Variants in KIF1B observed in about 807,000 individuals in gnomAD.
The protein encoded by KIF1B is kinesin family member 1B.
KIF1B carries 76 observed loss-of-function variants against 241.9 expected under a neutral mutation model. That is an observed-to-expected ratio of 0.31 (90% CI 0.26 to 0.38). The LOEUF is 0.38. Ranked by LOEUF, KIF1B falls within the 10% of genes least tolerant of loss-of-function variation. The pLI is 1.00. For missense variants in KIF1B, 1,622 were observed against 2,271.4 expected (o/e 0.71, Z 5.81); for synonymous variants, 750 against 796.7 (o/e 0.94, Z 0.99).
chr1:10,261,890 A>C lies in KIF1B; in HGVS notation c.364-15A>C, dbSNP rs771929965. On this transcript the variant is annotated splice_polypyrimidine_tract_variant and intron_variant, in intron 4 of 48. Transcript: ENST00000676179. ...CATTTGTGCTCTTCATGCCTCTCTC[A>C]TTCTACTTCCCTAGTTATGTGAAGA... 1.3e-6 allele frequency: 2 copies of C among 1,579,454 alleles called. No individual in the cohort carries two copies. The highest frequency in any genetic ancestry group is 1.7e-5 in the Admixed American group (1 of 59,954).
chr1:10,372,660 AGAG>A (rs1174507157), intron 45 of KIF1B, among the ~76,000 whole-genome samples: 32 of 117,558 alleles, frequency 2.7e-4, no homozygotes, highest in African/African-American at 1.1e-3. Flanking sequence ...CTTGGGTGAC[AGAG>A]CTGTCACCCA....
intron 2 of KIF1B, among the ~76,000 whole-genome samples, chr1:10,239,858 T>C (rs1647110550): frequency 6.6e-6 from 1 of 151,676 alleles, no homozygotes; most frequent in Non-Finnish European, 1.5e-5. Context: ...CTCTGCCTCC[T>C]GGGTTCATGC....
rs556340118 is a variant in KIF1B, at chr1:10,285,973, G to A, written c.1434+3440G>A. On this transcript the variant is annotated intron_variant, in intron 15 of 48. Transcript: ENST00000676179. Reference sequence around the variant, plus strand: ...ATTGGATACTGTTTTTACACATGATGTTGCTGTGGCTTTGTTCACTGAATA... The same window carrying A: ...ATTGGATACTGTTTTTACACATGATATTGCTGTGGCTTTGTTCACTGAATA... 7.7e-4 allele frequency among the ~76,000 whole-genome samples: 117 copies of A among 151,888 alleles called. 1 individual carries two copies. In the South Asian group the frequency reaches 0.023, roughly 29 times the overall value.
Position 10,275,273 on chromosome 1 carries a change from G to A in KIF1B, c.883-155G>A, listed in dbSNP as rs1649038915. Among the ~76,000 whole-genome samples, 2 of 152,156 alleles carry A rather than the reference G, an allele frequency of 1.3e-5. 1 individual carries two copies. The highest frequency in any genetic ancestry group is 4.1e-4 in the South Asian group (2 of 4,820). On this transcript the variant is annotated intron_variant, in intron 10 of 48. Coordinates refer to ENST00000676179, the MANE Select transcript of KIF1B (RefSeq NM_001365951.3). ...AATTACCTTGTTGCGTGAGTTTTTG[G>A]TTTTGTGAAGAATTGAAACTATGAA...
chr1:10,344,367 A>G (rs958855956), intron 34 of KIF1B, among the ~76,000 whole-genome samples: 2 of 152,224 alleles, frequency 1.3e-5, no homozygotes, highest in Non-Finnish European at 2.9e-5. Context: ...CTCTCTGCAT[A>G]TGAAACACTG....
chr1:10,378,524 T>C lies in KIF1B; in HGVS notation c.*1937T>C, dbSNP rs138303899. ...TGCTCAGACCTCTCTGTTTCACCAT[T>C]GCTCAGGCATTCAGGAAAGTATCTG... On this transcript the variant is annotated 3_prime_UTR_variant, in exon 49 of 49. Coordinates refer to ENST00000676179, the MANE Select transcript of KIF1B (RefSeq NM_001365951.3). 112 of 696,710 alleles carry C rather than the reference T, an allele frequency of 1.6e-4. No individual in the cohort carries two copies. In the East Asian group the frequency reaches 2.9e-3, roughly 18 times the overall value. 43.2% of individuals were successfully genotyped at this position (696,710 alleles called of 1,614,324 possible). A position where few individuals can be genotyped will look rare whatever the true frequency, so the allele number is the denominator to read the frequency against.
chr1:10,295,255 G>A (rs764117057), intron 18 of KIF1B, 90 bp downstream of exon 18: 19 of 825,296 alleles, frequency 2.3e-5, no homozygotes, highest in Admixed American at 5.5e-5. Context: ...AAAAATTAAC[G>A]TAATGATTTG....
chr1:10,243,111 T>A (rs1647161265), intron 2 of KIF1B, among the ~76,000 whole-genome samples: 1 of 152,112 alleles, frequency 6.6e-6, no homozygotes, highest in African/African-American at 2.4e-5. Flanking sequence ...GGAGGCAAAA[T>A]GGGAGATTTT....
rs1273212568 is a variant in KIF1B at position 10,327,850 on chromosome 1, G to A, written c.2924+1491G>A. On this transcript the variant is annotated intron_variant, in intron 27 of 48. Transcript: ENST00000676179. ...AATTATGTCAGTGTTAAATGGATGA[G>A]TACCAGTTATCTAAAAATTAAAGGA... 2.0e-5 allele frequency among the ~76,000 whole-genome samples: 3 copies of A among 152,146 alleles called. No individual in the cohort carries two copies. In the East Asian group the frequency reaches 5.8e-4, roughly 29 times the overall value.
chr1:10,278,053 G>C lies in KIF1B; in HGVS notation c.1105G>C (p.Val369Leu). 1 of 1,614,072 alleles carries C rather than the reference G, an allele frequency of 6.2e-7. No individual in the cohort carries two copies. The highest frequency in any genetic ancestry group is 8.5e-7 in the Non-Finnish European group (1 of 1,179,978). ...VINEDPNAKL[V>L]RELKEEVTRL... Reference sequence around the variant, plus strand: ...CAATGAGGACCCCAATGCCAAACTGGTTCGTGAATTAAAGGAGGAGGTGAC... The same window carrying C: ...CAATGAGGACCCCAATGCCAAACTGCTTCGTGAATTAAAGGAGGAGGTGAC... The change falls in exon 13 of 49, where the codon GTT (valine) becomes CTT (leucine). Residue 369 changes from valine (V) to leucine (L), a missense_variant. Val to Leu is a conservative substitution (Grantham distance 32, BLOSUM62 1). Coordinates refer to ENST00000676179, the MANE Select transcript of KIF1B (RefSeq NM_001365951.3).
intron 5 of KIF1B, among the ~76,000 whole-genome samples, 190 bp downstream of exon 5, chr1:10,262,160 G>C (rs745610302): frequency 6.6e-6 from 1 of 151,808 alleles, no homozygotes; most frequent in Non-Finnish European, 1.5e-5. Context: ...TGGGGGGTGC[G>C]CGGTGGGGAC....
At position 10,378,799 on chromosome 1, in the gene KIF1B, GGAGA is replaced by G. The variant is rs1638952438; in HGVS notation, c.*2217_*2220del. 3.9e-6 allele frequency: 1 copy of G among 254,256 alleles called. No individual in the cohort carries two copies. The highest frequency in any genetic ancestry group is 2.2e-5 in the African/African-American group (1 of 45,914). The allele number at this position is 254,256 out of a possible 1,614,324, so 15.7% of individuals were successfully genotyped here. A position where few individuals can be genotyped will look rare whatever the true frequency, so the allele number is the denominator to read the frequency against. On this transcript the variant is annotated 3_prime_UTR_variant, in exon 49 of 49. Coordinates refer to ENST00000676179, the MANE Select transcript of KIF1B (RefSeq NM_001365951.3). ...GTGAAGAGGAGGAAAAGTGAATCAC[GGAGA>G]GAGAAAGGAAAGGATAGAATCACAG...
At chr1:10,291,207 T>C (rs757407492) in intron 16 of KIF1B, 46 bp downstream of exon 16, 17 of 1,219,244 alleles carry the variant, frequency 1.4e-5, no homozygotes, top group Non-Finnish European at 1.2e-5. Flanking sequence ...TTCTAGGGGA[T>C]GTGGATTACT....
Position 10,374,783 on chromosome 1 carries a change from A to G in KIF1B, c.5097-71A>G, listed in dbSNP as rs189868899. ...TAAGGACTTGGCCTAAGTGTGGCGT[A>G]TTTTGATGGTCCTCAGCACGATTAT... On this transcript the variant is annotated intron_variant, in intron 46 of 48. Coordinates refer to ENST00000676179, the MANE Select transcript of KIF1B (RefSeq NM_001365951.3). The surrounding 1 kb of genome is among the most constrained non-coding windows in gnomAD (Gnocchi z 4.3). 6.2e-6 allele frequency: 9 copies of G among 1,454,748 alleles called. No individual in the cohort carries two copies. The African/African-American group carries it at 9.7e-5, about 16-fold the overall frequency. 90.1% of individuals were successfully genotyped at this position (1,454,748 alleles called of 1,614,324 possible).
chr1:10,270,264 A>G (rs1648716569), intron 7 of KIF1B, among the ~76,000 whole-genome samples: 1 of 152,152 alleles, frequency 6.6e-6, no homozygotes, highest in East Asian at 1.9e-4. Flanking sequence ...ATTCCCGGGC[A>G]ATTCCGGACC....
chr1:10,265,960 G>A (rs1232669960), intron 5 of KIF1B, among the ~76,000 whole-genome samples: 1 of 152,162 alleles, frequency 6.6e-6, no homozygotes, highest in Non-Finnish European at 1.5e-5. Flanking sequence ...CTGAAAACAT[G>A]TCCATAGACA....
intron 22 of KIF1B, chr1:10,305,509 G>A: frequency 9.4e-7 from 1 of 1,060,036 alleles, no homozygotes; most frequent in Non-Finnish European, 1.1e-6. Context: ...GGCTTGAGAG[G>A]GAAGAGGTGG....
In KIF1B at chr1:10,279,105, T is replaced by C; in HGVS notation, c.1189T>C (p.Leu397=). ...CTCCTGCTTACCTTCAGTTGATCCA[T>C]TGATCGATGATTACTCTGGAAGTGG... ...GLGDIIDIDP[L]IDDYSGSGSK... The change falls in exon 14 of 49, where the codon TTG becomes CTG. Residue 397 remains leucine (L), a synonymous_variant. Coordinates refer to ENST00000676179, the MANE Select transcript of KIF1B (RefSeq NM_001365951.3). The C allele has an allele frequency of 6.5e-7, 1 of 1,547,396 alleles. No individual in the cohort carries two copies. The highest frequency in any genetic ancestry group is 8.7e-7 in the Non-Finnish European group (1 of 1,144,008).
At chr1:10,287,033 G>A (rs983226042) in intron 15 of KIF1B, among the ~76,000 whole-genome samples, 2 of 152,120 alleles carry the variant, frequency 1.3e-5, no homozygotes, top group African/African-American at 4.8e-5. Context: ...ATGCTGTTTT[G>A]CACTTGGCTT....
Sources: gnomAD v4.1 joint callset for allele counts (sites outside exome capture counted in the v4.1 genomes callset) on GRCh38, gnomAD v4.1.1 for gene constraint, Gnocchi (gnomAD v3.1) non-coding constraint, MANE v1.5 for transcripts, NCBI Gene and HGNC (gene_info 2026-07-23, HGNC 2026-07-21) for gene names.